SORCS2: variants seen among roughly 807,000 people sequenced by gnomAD.
SORCS2 encodes the protein sortilin related VPS10 domain containing receptor 2.
SORCS2 carries 100 observed loss-of-function variants against 141.6 expected under a neutral mutation model. That is an observed-to-expected ratio of 0.71 (90% CI 0.60 to 0.83). The LOEUF (loss-of-function observed/expected upper bound fraction) is 0.83, where lower values mean the gene tolerates loss of function less well. Ranked by LOEUF, SORCS2 falls within the 40% of genes least tolerant of loss-of-function variation. The probability of loss-of-function intolerance (pLI) is 0.00; values close to 1 mark genes in which losing one functional copy is unlikely to be tolerated. For synonymous variants in SORCS2, 789 were observed against 676.9 expected (o/e 1.17, Z -2.57); for missense variants, 1,646 against 1,560.2 (o/e 1.05, Z -0.93).
intron 3 of SORCS2, among the ~76,000 whole-genome samples, chr4:7,553,090 G>C (rs1327146679): frequency 6.6e-6 from 1 of 152,158 alleles, no homozygotes; most frequent in Non-Finnish European, 1.5e-5. Context: ...GTGATGTGGA[G>C]GGGGCGCTAA....
rs561955110 is a variant in SORCS2, at chr4:7,344,984, G to A, written c.481-51304G>A. On this transcript the variant is annotated intron_variant, in intron 1 of 26. Coordinates refer to ENST00000507866, the MANE Select transcript of SORCS2 (RefSeq NM_020777.3). The stretch of plus-strand genomic sequence containing the variant: ...GGCCCCTCCAGTCTGCTTTTGACTC[G>A]CAGATGACCCCTGGGGAGCCTCGGC... Among the ~76,000 whole-genome samples the A allele has an allele frequency of 4.6e-5, 7 of 152,114 alleles. No individual in the cohort carries two copies. In the South Asian group the frequency reaches 6.2e-4, roughly 14 times the overall value.
intron 1 of SORCS2, among the ~76,000 whole-genome samples, chr4:7,299,541 T>G (rs1482638482): frequency 6.6e-6 from 1 of 152,238 alleles, no homozygotes; most frequent in Admixed American, 6.5e-5. Context: ...CCCACACCTC[T>G]AGGAAGCGAG....
intron 3 of SORCS2, among the ~76,000 whole-genome samples, chr4:7,536,538 A>G (rs570517537): frequency 2.0e-5 from 3 of 152,188 alleles, no homozygotes; most frequent in Non-Finnish European, 4.4e-5. Context: ...TGGTGGTCCT[A>G]GGGAACAAGA....
intron 2 of SORCS2, among the ~76,000 whole-genome samples, chr4:7,415,506 G>C (rs1173973932): frequency 6.6e-6 from 1 of 152,174 alleles, no homozygotes; most frequent in Non-Finnish European, 1.5e-5. Context: ...GGGACCCCTG[G>C]GGTGACACTG....
At chr4:7,368,705 AAG>A (rs1722063270) in intron 1 of SORCS2, among the ~76,000 whole-genome samples, 2 of 152,130 alleles carry the variant, frequency 1.3e-5, no homozygotes, top group African/African-American at 4.8e-5. Context: ...TTTAAGTTTG[AAG>A]TTGGCCAAGA....
At chr4:7,298,182 A>G (rs1187602274) in intron 1 of SORCS2, among the ~76,000 whole-genome samples, 1 of 152,172 alleles carries the variant, frequency 6.6e-6, no homozygotes, top group African/African-American at 2.4e-5. Flanking sequence ...GCAGGCATGC[A>G]AGACCCCCTG....
chr4:7,679,358 C>T (rs891741284), intron 9 of SORCS2, among the ~76,000 whole-genome samples: 3 of 152,162 alleles, frequency 2.0e-5, no homozygotes, highest in Non-Finnish European at 4.4e-5. Context: ...ATGGTGGCCC[C>T]GAAATAGACA....
intron 3 of SORCS2, among the ~76,000 whole-genome samples, chr4:7,548,295 C>A (rs995420317): frequency 6.6e-5 from 10 of 152,172 alleles, no homozygotes; most frequent in Admixed American, 5.9e-4. Flanking sequence ...CTCTGCAGGG[C>A]TAATCCTTGG....
intron 3 of SORCS2, among the ~76,000 whole-genome samples, chr4:7,561,421 C>T (rs1038964416): frequency 7.9e-5 from 12 of 152,062 alleles, no homozygotes; most frequent in African/African-American, 1.7e-4. Context: ...TCCATGTATC[C>T]ATTCATCCAT....
intron 9 of SORCS2, among the ~76,000 whole-genome samples, chr4:7,680,240 C>T (rs1026388389): frequency 6.6e-6 from 1 of 152,248 alleles, no homozygotes; most frequent in African/African-American, 2.4e-5. Flanking sequence ...TGCAGCCAAT[C>T]TATAGGCAAC....
chr4:7,239,035 G>T (rs114851915), intron 1 of SORCS2, among the ~76,000 whole-genome samples: 1,795 of 152,330 alleles, frequency 0.012, 40 homozygotes, highest in African/African-American at 0.041. Context: ...GCAGGGAGCT[G>T]GGCACAGCAC....
intron 8 of SORCS2, 65 bp downstream of exon 8, chr4:7,667,278 C>T (rs1722560119): frequency 3.5e-6 from 5 of 1,439,652 alleles, no homozygotes; most frequent in Non-Finnish European, 4.9e-6. Flanking sequence ...ACTCATGGGG[C>T]AACAGGACTC....
chr4:7,390,384 G>A (rs926568104), intron 1 of SORCS2, among the ~76,000 whole-genome samples: 4 of 152,140 alleles, frequency 2.6e-5, no homozygotes, highest in Middle Eastern at 3.2e-3. Context: ...TAAGTTGGAG[G>A]TGCTCAGAAC....
chr4:7,308,516 C>T (rs1023724210), intron 1 of SORCS2, among the ~76,000 whole-genome samples: 42 of 152,224 alleles, frequency 2.8e-4, no homozygotes, highest in African/African-American at 8.9e-4. Flanking sequence ...GTTTCTAGAG[C>T]GGTGTCAGAC....
intron 2 of SORCS2, among the ~76,000 whole-genome samples, chr4:7,499,306 G>A (rs772815768): frequency 1.2e-4 from 18 of 152,180 alleles, no homozygotes; most frequent in Non-Finnish European, 2.2e-4. Context: ...GGAGGACATG[G>A]GAGCCTAACT....
intron 2 of SORCS2, among the ~76,000 whole-genome samples, chr4:7,507,527 T>A (rs1381031887): frequency 1.3e-5 from 2 of 152,000 alleles, no homozygotes; most frequent in Non-Finnish European, 2.9e-5. Flanking sequence ...AATAGAAAAA[T>A]TTTCTAAAAA....
intron 2 of SORCS2, among the ~76,000 whole-genome samples, chr4:7,428,233 G>C (rs1047191663): frequency 6.6e-6 from 1 of 152,226 alleles, no homozygotes; most frequent in Non-Finnish European, 1.5e-5. Flanking sequence ...TTGTATAACT[G>C]GAAGGTATGG....
At chr4:7,712,538 A>C (rs1003735635) in intron 14 of SORCS2, among the ~76,000 whole-genome samples, 195 bp from the exon 15 acceptor site, 1 of 152,236 alleles carries the variant, frequency 6.6e-6, no homozygotes. Flanking sequence ...TTCACGCCGA[A>C]GCCTACAGAG....
At chr4:7,469,671 G>A (rs554820077) in intron 2 of SORCS2, among the ~76,000 whole-genome samples, 83 of 152,360 alleles carry the variant, frequency 5.4e-4, no homozygotes, top group Non-Finnish European at 8.8e-4. Flanking sequence ...TATGAAGCCT[G>A]GACCCTGCCT....
Sources: gnomAD v4.1 joint callset for allele counts (sites outside exome capture counted in the v4.1 genomes callset) on GRCh38, gnomAD v4.1.1 for gene constraint, MANE v1.5 for transcripts, NCBI Gene and HGNC (gene_info 2026-07-23, HGNC 2026-07-21) for gene names.